GPR35: variants seen among roughly 807,000 people sequenced by gnomAD.
The protein encoded by GPR35 is G protein-coupled receptor 35, also known as KYNA receptor.
For missense variants in GPR35, 372 were observed against 422.5 expected (o/e 0.88, Z 1.05); for synonymous variants, 207 against 198.4 (o/e 1.04, Z -0.36).
chr2:240,623,974 A>C (rs927455763), upstream of GPR35, among the ~76,000 whole-genome samples: 1 of 78,024 alleles, frequency 1.3e-5, no homozygotes, highest in African/African-American at 4.3e-5. Context: ...TGCCCAGCAG[A>C]GGGGGCACGG....
chr2:240,628,795 A>G (rs2043406025), intron 1 of GPR35: 1 of 152,202 alleles, frequency 6.6e-6, no homozygotes. Flanking sequence ...GCCCCAGAGG[A>G]CAGCCTGATG....
Position 240,631,677 on chromosome 2 carries a change from A to G in GPR35, c.*795A>G, listed in dbSNP as rs1167864767. Among the ~76,000 whole-genome samples the G allele has an allele frequency of 2.2e-4, 34 of 152,252 alleles. No homozygotes were observed. ...GCTGGAAACCATGTCTGGCAGGGGC[A>G]GGGGTTGGGTGCCCACTCAGGTAAA... On this transcript the variant is annotated 3_prime_UTR_variant, in exon 2 of 2. Coordinates refer to ENST00000407714, the MANE Select transcript of GPR35 (RefSeq NM_005301.5).
chr2:240,623,718 G>C (rs922911632), upstream of GPR35, among the ~76,000 whole-genome samples: 6 of 152,178 alleles, frequency 3.9e-5, no homozygotes, highest in Non-Finnish European at 8.8e-5. Context: ...GGGTGGGCTG[G>C]GGACAGCGTT....
Position 240,631,473 on chromosome 2 carries a change from A to G in GPR35, c.*591A>G, listed in dbSNP as rs962779582. Among the ~76,000 whole-genome samples the G allele has an allele frequency of 2.0e-5, 3 of 151,074 alleles. No homozygotes were observed. The highest frequency in any genetic ancestry group is 7.3e-5 in the African/African-American group (3 of 41,250). ...GGACCACAGTAGAGGCCCCCAGCCC[A>G]GGTTTCCTTGCTCAAGACAGGGCTG... On this transcript the variant is annotated 3_prime_UTR_variant, in exon 2 of 2. Transcript: ENST00000407714.
rs571146876 is a variant in GPR35 at position 240,620,375 on chromosome 2, C to T, written c.-5+1344C>T. ...TGAAGGTGGGGCAGGAGTTCCAAGG[C>T]GTGGAGACGGCCCCTGAGTGCCCAG... On this transcript the variant is annotated intron_variant, in intron 5 of 5. Coordinates refer to the GPR35 transcript ENST00000319838. Among the ~76,000 whole-genome samples the T allele has an allele frequency of 1.2e-4, 18 of 152,212 alleles. No homozygotes were observed. The East Asian group carries it at 1.7e-3, about 15-fold the overall frequency.
intron 5 of GPR35, among the ~76,000 whole-genome samples, chr2:240,619,756 G>T (rs906006927): frequency 2.0e-5 from 3 of 152,230 alleles, no homozygotes; most frequent in Non-Finnish European, 2.9e-5. Flanking sequence ...CCAACCGGAG[G>T]TCTCCCCAGA....
At chr2:240,622,998 T>C (rs1243517436), upstream of GPR35, among the ~76,000 whole-genome samples, 8 of 152,202 alleles carry the variant, frequency 5.3e-5, no homozygotes, top group Non-Finnish European at 8.8e-5. Flanking sequence ...CTCTCGAACC[T>C]GGGGACTCCG....
upstream of GPR35, among the ~76,000 whole-genome samples, chr2:240,622,323 G>T (rs1199082612): frequency 1.3e-5 from 2 of 152,148 alleles, no homozygotes; most frequent in African/African-American, 4.8e-5. Flanking sequence ...TGGCTGGCAG[G>T]TATGTGCCTC....
At chr2:240,627,845 G>A (rs2043396437) in intron 1 of GPR35, 2 of 152,132 alleles carry the variant, frequency 1.3e-5, no homozygotes, top group Admixed American at 1.3e-4. Flanking sequence ...CCCTGGGTAT[G>A]TGTGACCTGA....
chr2:240,613,100 G>A (rs2043201971), intron 2 of GPR35, among the ~76,000 whole-genome samples: 1 of 152,220 alleles, frequency 6.6e-6, no homozygotes, highest in African/African-American at 2.4e-5. Flanking sequence ...GAGTGAGGCA[G>A]AGCCTGATAG....
chr2:240,627,746 A>ATTG (rs1308571335), intron 1 of GPR35: 2 of 137,646 alleles, frequency 1.5e-5, no homozygotes, highest in Non-Finnish European at 3.0e-5. Flanking sequence ...AAGTGTTGGG[A>ATTG]TTACAGGCAT....
At chr2:240,618,836 G>A in intron 4 of GPR35, 1 of 553,624 alleles carries the variant, frequency 1.8e-6, no homozygotes, top group Non-Finnish European at 3.2e-6. Context: ...AATACATTCT[G>A]GAGATGACCA....
At chr2:240,618,454 T>C (rs1322774927) in intron 4 of GPR35, among the ~76,000 whole-genome samples, 2 of 152,260 alleles carry the variant, frequency 1.3e-5, no homozygotes, top group Non-Finnish European at 2.9e-5. Context: ...TATATGGATA[T>C]ACATCCAAAT....
intron 4 of GPR35, among the ~76,000 whole-genome samples, chr2:240,618,284 C>T (rs931727136): frequency 1.3e-5 from 2 of 152,186 alleles, no homozygotes; most frequent in Non-Finnish European, 2.9e-5. Context: ...CTACCATCAA[C>T]AGTATATAAC....
chr2:240,622,977 T>A (rs1337886026), upstream of GPR35, among the ~76,000 whole-genome samples: 2 of 152,222 alleles, frequency 1.3e-5, no homozygotes, highest in African/African-American at 4.8e-5. Context: ...ACTGGAAACC[T>A]GCCATCTGGC....
exon 5 of GPR35, chr2:240,618,914 G>A (rs913390136): frequency 1.7e-5 from 12 of 699,968 alleles, no homozygotes; most frequent in South Asian, 6.0e-5. Context: ...GTGTGAACAC[G>A]CTTCATTCAA....
chr2:240,622,787 G>A (rs931516900), upstream of GPR35, among the ~76,000 whole-genome samples: 2 of 152,180 alleles, frequency 1.3e-5, no homozygotes, highest in African/African-American at 2.4e-5. Context: ...GCTGCTGCAG[G>A]GGGCTAACCT....
At chr2:240,625,129 TG>T, upstream of GPR35, 1 of 347,204 alleles carries the variant, frequency 2.9e-6, no homozygotes, top group Non-Finnish European at 4.1e-6. Context: ...CTGGGAGGGC[TG>T]GGCCCTGGGA....
intron 1 of GPR35, chr2:240,629,334 C>G (rs2043412482): frequency 1.3e-5 from 2 of 152,666 alleles, no homozygotes; most frequent in South Asian, 4.1e-4. Context: ...GGCAGGACCT[C>G]CAGAGCTCAG....
Sources: gnomAD v4.1 joint callset for allele counts (sites outside exome capture counted in the v4.1 genomes callset) on GRCh38, gnomAD v4.1.1 for gene constraint, MANE v1.5 for transcripts, NCBI Gene and HGNC (gene_info 2026-07-23, HGNC 2026-07-21) for gene names.